The following PCDH15 variants were observed in gnomAD, a reference collection of about 807,000 sequenced individuals.
PCDH15 encodes protocadherin related 15.
A neutral mutation model predicts 178.5 loss-of-function variants in PCDH15; 129 were observed. That is an observed-to-expected ratio of 0.72 (90% CI 0.63 to 0.84). The LOEUF is 0.84. Ranked by LOEUF, PCDH15 falls within the 40% of genes least tolerant of loss-of-function variation. PCDH15 has a pLI of 0.00. For synonymous variants in PCDH15, 800 were observed against 732.0 expected, an observed-to-expected ratio of 1.09 and a Z score of -1.50; for missense variants, 2,230 against 2,099.9, an observed-to-expected ratio of 1.06 and a Z score of -1.21.
At chr10:54,819,286 A>G (rs1400955668) in intron 3 of PCDH15, among the ~76,000 whole-genome samples, 5 of 152,118 alleles carry the variant, frequency 3.3e-5, no homozygotes, top group Non-Finnish European at 7.4e-5. Flanking sequence ...ATAATATTTA[A>G]TTAGTGTATC....
chr10:53,922,411 A>G (rs2084075795), intron 25 of PCDH15, among the ~76,000 whole-genome samples: 1 of 152,188 alleles, frequency 6.6e-6, no homozygotes, highest in South Asian at 2.1e-4. Context: ...AGGTGTAGAC[A>G]TATTTACCCT....
At chr10:55,459,000 A>G (rs1459173994) in intron 2 of PCDH15, among the ~76,000 whole-genome samples, 1 of 152,016 alleles carries the variant, frequency 6.6e-6, no homozygotes, top group Admixed American at 6.6e-5. Context: ...AACAAGTACA[A>G]AGTGATTCTG....
chr10:54,498,677 T>C (rs2080354879), intron 3 of PCDH15, among the ~76,000 whole-genome samples: 2 of 151,614 alleles, frequency 1.3e-5, no homozygotes, highest in Admixed American at 6.6e-5. Flanking sequence ...CTACAATTAT[T>C]AAAAAAAAGA....
At chr10:54,815,119 G>T (rs1952927541) in intron 3 of PCDH15, among the ~76,000 whole-genome samples, 2 of 149,438 alleles carry the variant, frequency 1.3e-5, no homozygotes, top group Admixed American at 1.4e-4. Context: ...ACTTATATGT[G>T]GATTTTTGTT....
intron 1 of PCDH15, among the ~76,000 whole-genome samples, chr10:55,231,522 G>A (rs1407376657): frequency 5.9e-5 from 9 of 151,952 alleles, no homozygotes; most frequent in South Asian, 2.1e-4. Flanking sequence ...GGAGATGATC[G>A]TCTAAAACAA....
chr10:53,863,669 T>A (rs1427748676), intron 27 of PCDH15, among the ~76,000 whole-genome samples: 1 of 152,114 alleles, frequency 6.6e-6, no homozygotes. Context: ...TTTATAATTT[T>A]TGGAAGATAG....
At chr10:53,857,558 T>C (rs926467670) in intron 27 of PCDH15, among the ~76,000 whole-genome samples, 1 of 138,084 alleles carries the variant, frequency 7.2e-6, no homozygotes, top group East Asian at 3.6e-4. Flanking sequence ...TACTGAGACA[T>C]GAAGGGTGGC....
chr10:54,828,214 T>C (rs1953162143), intron 3 of PCDH15, among the ~76,000 whole-genome samples: 2 of 151,890 alleles, frequency 1.3e-5, no homozygotes. Flanking sequence ...ATACTACCCA[T>C]TCATAGAGTG....
At position 54,609,746 on chromosome 10, in the gene PCDH15, C is replaced by T. The variant is rs2092899820; in HGVS notation, c.91+54426G>A. 2.0e-5 allele frequency among the ~76,000 whole-genome samples: 3 copies of T among 151,912 alleles called. 1 individual carries two copies. In the South Asian group the frequency reaches 6.2e-4, roughly 31 times the overall value. On this transcript the variant is annotated intron_variant, in intron 2 of 37. Coordinates refer to ENST00000644397, the MANE Select transcript of PCDH15 (RefSeq NM_001384140.1). ...TAAAGCAATGTTTTCTTAACCACCT[C>T]CCTCTCCCAAATTAATTTAATAACA... is the stretch of plus-strand genomic sequence containing the variant.
chr10:54,778,303 T>C (rs560402148), intron 1 of PCDH15, among the ~76,000 whole-genome samples: 21 of 152,342 alleles, frequency 1.4e-4, no homozygotes, highest in Non-Finnish European at 2.4e-4. Flanking sequence ...ACACATTTTG[T>C]GTAGATTCCC....
At chr10:54,449,668 C>T (rs1341687679) in intron 3 of PCDH15, among the ~76,000 whole-genome samples, 2 of 151,780 alleles carry the variant, frequency 1.3e-5, no homozygotes, top group East Asian at 1.9e-4. Flanking sequence ...TATCCCTAAG[C>T]AAGACAGCAT....
chr10:53,859,504 C>T (rs2078966388), intron 27 of PCDH15, among the ~76,000 whole-genome samples: 1 of 152,084 alleles, frequency 6.6e-6, no homozygotes, highest in Admixed American at 6.6e-5. Flanking sequence ...TGTGCTTCAA[C>T]CCACCTTTTC....
At chr10:54,905,594 C>T (rs140535901) in intron 2 of PCDH15, among the ~76,000 whole-genome samples, 124 of 152,180 alleles carry the variant, frequency 8.1e-4, no homozygotes, top group Non-Finnish European at 1.3e-3. Flanking sequence ...ATAAGAAATG[C>T]CAGTTCCTGG....
chr10:53,899,683 C>T (rs2082197577), intron 26 of PCDH15, among the ~76,000 whole-genome samples: 1 of 152,144 alleles, frequency 6.6e-6, no homozygotes, highest in Admixed American at 6.5e-5. Context: ...GGCTACTTCC[C>T]ATTTTTAAAA....
At chr10:54,459,020 C>T (rs865962170) in intron 3 of PCDH15, among the ~76,000 whole-genome samples, 10 of 152,058 alleles carry the variant, frequency 6.6e-5, no homozygotes, top group South Asian at 4.1e-4. Context: ...CCCATGTCTG[C>T]GTGGGTTTTC....
intron 18 of PCDH15, among the ~76,000 whole-genome samples, chr10:54,030,961 AGGC>A (rs2093274999): frequency 1.3e-5 from 2 of 152,054 alleles, no homozygotes; most frequent in Admixed American, 6.6e-5. Flanking sequence ...CTAAAGGAGC[AGGC>A]TTCATTGGAA....
At chr10:54,125,783 T>C (rs1169676806) in intron 15 of PCDH15, among the ~76,000 whole-genome samples, 2 of 152,174 alleles carry the variant, frequency 1.3e-5, no homozygotes, top group Admixed American at 1.3e-4. Context: ...AAATTAGGTA[T>C]TGATGCTATT....
chr10:54,228,377 A>G (rs1383239519), intron 9 of PCDH15, among the ~76,000 whole-genome samples: 1 of 152,114 alleles, frequency 6.6e-6, no homozygotes, highest in African/African-American at 2.4e-5. Context: ...TGTGAGACTT[A>G]TTCACTATCA....
intron 3 of PCDH15, among the ~76,000 whole-genome samples, chr10:54,847,217 T>C (rs1237769475): frequency 6.6e-6 from 1 of 151,352 alleles, no homozygotes; most frequent in Admixed American, 6.6e-5. Context: ...CTTTCTGCTA[T>C]CTTTTAATCT....
Sources: allele counts gnomAD v4.1 joint callset (sites outside exome capture counted in the v4.1 genomes callset), GRCh38; gene constraint gnomAD v4.1.1; transcripts MANE v1.5; gene names NCBI Gene and HGNC (gene_info 2026-07-23, HGNC 2026-07-21).